Variants in GRIP1 observed in about 807,000 individuals in gnomAD.
The protein encoded by GRIP1 is glutamate receptor interacting protein 1, also known as glutamate receptor-interacting protein 1.
GRIP1 carries 45 observed loss-of-function variants against 129.9 expected under a neutral mutation model. The ratio of observed to expected loss-of-function variants is 0.35; its 90% CI spans 0.27 to 0.44. The LOEUF (loss-of-function observed/expected upper bound fraction) is 0.44, where lower values mean the gene tolerates loss of function less well. Among genes scored for constraint, GRIP1 ranks in the 20% least tolerant of loss-of-function variants. GRIP1 has a pLI of 1.00. For missense variants in GRIP1, 1,196 were observed against 1,396.8 expected, an observed-to-expected ratio of 0.86 and a Z score of 2.29; for synonymous variants, 530 against 520.8, an observed-to-expected ratio of 1.02 and a Z score of -0.24.
chr12:66,824,985 A>T (rs1342553957), intron 1 of GRIP1, among the ~76,000 whole-genome samples: 4 of 152,150 alleles, frequency 2.6e-5, no homozygotes, highest in Non-Finnish European at 5.9e-5. Context: ...ATCCCTTGAT[A>T]AACAAATCAT....
chr12:66,373,317 G>C (rs957754788), intron 22 of GRIP1, among the ~76,000 whole-genome samples: 5 of 152,228 alleles, frequency 3.3e-5, no homozygotes, highest in Non-Finnish European at 7.3e-5. Flanking sequence ...TGGAACTCCT[G>C]ACCTCAAGTG....
chr12:66,614,445 G>C (rs1420073446), intron 1 of GRIP1, among the ~76,000 whole-genome samples: 1 of 151,856 alleles, frequency 6.6e-6, no homozygotes, highest in Non-Finnish European at 1.5e-5. Flanking sequence ...CTTACATTCT[G>C]CCCTAAGCCC....
At chr12:66,551,895 T>C (rs918702010) in intron 2 of GRIP1, among the ~76,000 whole-genome samples, 1 of 152,176 alleles carries the variant, frequency 6.6e-6, no homozygotes, top group Admixed American at 6.5e-5. Context: ...CAGTATCTTA[T>C]GTTGAATAAC....
chr12:66,769,568 G>C (rs187965676), intron 1 of GRIP1, among the ~76,000 whole-genome samples: 1 of 152,058 alleles, frequency 6.6e-6, no homozygotes, highest in Non-Finnish European at 1.5e-5. Flanking sequence ...ACAAGGGCAC[G>C]GGTACCATTT....
chr12:66,602,295 G>C (rs749498360), intron 1 of GRIP1, among the ~76,000 whole-genome samples: 2 of 152,140 alleles, frequency 1.3e-5, no homozygotes, highest in African/African-American at 2.4e-5. Context: ...ATTTAAGCAA[G>C]ATTTCCTGAA....
At chr12:66,445,290 A>C (rs1284143493) in intron 12 of GRIP1, 32 bp downstream of exon 12, 3 of 1,578,586 alleles carry the variant, frequency 1.9e-6, no homozygotes, top group Non-Finnish European at 2.6e-6. Context: ...AACGCAGAGC[A>C]GAAAATGATG....
At chr12:66,868,403 T>A (rs903808035) in intron 1 of GRIP1, among the ~76,000 whole-genome samples, 1 of 152,088 alleles carries the variant, frequency 6.6e-6, no homozygotes, top group Non-Finnish European at 1.5e-5. Flanking sequence ...TTATGCGTCA[T>A]CTCAACGAAT....
chr12:66,490,520 A>C (rs2060076944), intron 7 of GRIP1, among the ~76,000 whole-genome samples: 2 of 152,204 alleles, frequency 1.3e-5, no homozygotes, highest in African/African-American at 2.4e-5. Context: ...CAAAACTATA[A>C]AAACCCTAGG....
At position 66,518,897 on chromosome 12, in the gene GRIP1, G is replaced by A. The variant is rs542661779; in HGVS notation, c.503-921C>T. On this transcript the variant is annotated intron_variant, in intron 5 of 24. Coordinates refer to ENST00000359742, the MANE Select transcript of GRIP1 (RefSeq NM_001366722.1). ...CGAAAGTTGAAAACAGAGATTATAC[G>A]CTGGCTAAATCTCACCTTCTTAATG... 4.6e-5 allele frequency among the ~76,000 whole-genome samples: 7 copies of A among 152,274 alleles called. No individual in the cohort carries two copies. The South Asian group carries it at 8.3e-4, about 18-fold the overall frequency.
At chr12:66,637,973 C>A (rs1317493514) in intron 1 of GRIP1, among the ~76,000 whole-genome samples, 1 of 152,150 alleles carries the variant, frequency 6.6e-6, no homozygotes, top group African/African-American at 2.4e-5. Flanking sequence ...TGCTGGCTAC[C>A]AAATGCACTG....
intron 1 of GRIP1, among the ~76,000 whole-genome samples, chr12:66,955,060 T>A (rs2041818043): frequency 6.6e-6 from 1 of 152,162 alleles, no homozygotes; most frequent in South Asian, 2.1e-4. Context: ...TTAATTGATA[T>A]CTTTTCATGA....
chr12:66,667,440 T>C (rs555264708), intron 1 of GRIP1, among the ~76,000 whole-genome samples: 19 of 152,352 alleles, frequency 1.2e-4, no homozygotes, highest in Admixed American at 9.2e-4. Context: ...CACCTCTTCT[T>C]TCTTCAGGTC....
intron 2 of GRIP1, among the ~76,000 whole-genome samples, chr12:66,551,248 A>T (rs950102809): frequency 1.3e-5 from 2 of 152,220 alleles, no homozygotes; most frequent in East Asian, 1.9e-4. Flanking sequence ...ACCTTTCTGC[A>T]ATTCACATTC....
intron 1 of GRIP1, among the ~76,000 whole-genome samples, chr12:66,641,877 A>G (rs775585886): frequency 6.6e-6 from 1 of 152,218 alleles, no homozygotes; most frequent in Non-Finnish European, 1.5e-5. Context: ...CATCACCTTA[A>G]AAGTGAAGGA....
chr12:67,024,555 G>A (rs1415173181), intron 1 of GRIP1, among the ~76,000 whole-genome samples: 1 of 152,066 alleles, frequency 6.6e-6, no homozygotes, highest in Non-Finnish European at 1.5e-5. Flanking sequence ...TGTAAGTCAA[G>A]GCCTGCCTAT....
intron 1 of GRIP1, among the ~76,000 whole-genome samples, chr12:66,760,506 A>G (rs1344618743): frequency 6.6e-6 from 1 of 152,224 alleles, no homozygotes; most frequent in Non-Finnish European, 1.5e-5. Flanking sequence ...ATGAAAAAGC[A>G]AAAGCAGAAT....
chr12:66,692,977 TA>T (rs376139184), intron 1 of GRIP1, among the ~76,000 whole-genome samples: 142 of 152,344 alleles, frequency 9.3e-4, no homozygotes, highest in Middle Eastern at 3.4e-3. Flanking sequence ...CACTGTAACC[TA>T]ACTTCATAGG....
intron 7 of GRIP1, among the ~76,000 whole-genome samples, chr12:66,480,149 T>C (rs374264436): frequency 4.6e-5 from 7 of 152,218 alleles, no homozygotes; most frequent in African/African-American, 1.7e-4. Context: ...GCAGATGACA[T>C]CATTGTATAT....
chr12:66,485,740 C>T (rs10784545), intron 7 of GRIP1, among the ~76,000 whole-genome samples: 96,583 of 151,626 alleles, frequency 0.64, 31,186 homozygotes, highest in Middle Eastern at 0.77. Context: ...ATGTGTTGTG[C>T]CCGGTAGAGT....
Sources: gnomAD v4.1 joint callset for allele counts (sites outside exome capture counted in the v4.1 genomes callset) on GRCh38, gnomAD v4.1.1 for gene constraint, MANE v1.5 for transcripts, NCBI Gene and HGNC (gene_info 2026-07-23, HGNC 2026-07-21) for gene names.